ADGRB3: variants seen among roughly 807,000 people sequenced by gnomAD.
ADGRB3 encodes adhesion G protein-coupled receptor B3, also known as brain-specific angiogenesis inhibitor 3.
A neutral mutation model predicts 193.4 loss-of-function variants in ADGRB3; 37 were observed. The observed-to-expected ratio is 0.19, with a 90% CI of 0.15 to 0.25. The LOEUF is 0.25. ADGRB3 is among the 10% of genes least tolerant of loss of function. The pLI, the probability that ADGRB3 is intolerant of heterozygous loss-of-function variation, is 1.00. For missense variants in ADGRB3, 1,637 were observed against 1,852.9 expected (o/e 0.88, Z 2.14); for synonymous variants, 690 against 644.2 (o/e 1.07, Z -1.08).
chr6:68,968,321 C>G (rs3798978), intron 8 of ADGRB3, among the ~76,000 whole-genome samples: 6,893 of 152,086 alleles, frequency 0.045, 166 homozygotes, highest in Middle Eastern at 0.058. Context: ...CAGGGAGCAA[C>G]GAAGTACCTT....
intron 17 of ADGRB3, among the ~76,000 whole-genome samples, chr6:69,187,650 C>T (rs1765098637): frequency 6.6e-6 from 1 of 152,172 alleles, no homozygotes; most frequent in South Asian, 2.1e-4. Context: ...AGCTTAAAAG[C>T]AGAATGGAAA....
intron 3 of ADGRB3, among the ~76,000 whole-genome samples, chr6:68,718,006 A>G (rs1419542356): frequency 6.6e-6 from 1 of 151,800 alleles, no homozygotes; most frequent in Non-Finnish European, 1.5e-5. Flanking sequence ...TCTTGAAATC[A>G]TATTAAACAG....
chr6:69,259,760 A>G (rs908268074), intron 20 of ADGRB3, among the ~76,000 whole-genome samples: 6 of 151,716 alleles, frequency 4.0e-5, no homozygotes, highest in Non-Finnish European at 8.8e-5. Context: ...CTTATTCTCT[A>G]TTCGCAATAA....
chr6:69,331,659 CT>C, intron 23 of ADGRB3: 7 of 985,258 alleles, frequency 7.1e-6, no homozygotes, highest in Non-Finnish European at 8.4e-6. Context: ...CCTTTTTTGT[CT>C]GCTGCTTTGA....
At chr6:69,195,843 A>T (rs1765282298) in intron 17 of ADGRB3, among the ~76,000 whole-genome samples, 1 of 152,094 alleles carries the variant, frequency 6.6e-6, no homozygotes, top group Non-Finnish European at 1.5e-5. Flanking sequence ...TCCTTTTTTT[A>T]TACTACGCAA....
intron 17 of ADGRB3, among the ~76,000 whole-genome samples, chr6:69,185,843 G>T (rs1484928362): frequency 6.6e-6 from 1 of 152,086 alleles, no homozygotes; most frequent in Non-Finnish European, 1.5e-5. Context: ...CTTCGCATAA[G>T]AATCTGGTAT....
At chr6:69,340,936 A>G (rs942108348) in intron 26 of ADGRB3, among the ~76,000 whole-genome samples, 1 of 152,200 alleles carries the variant, frequency 6.6e-6, no homozygotes, top group African/African-American at 2.4e-5. Context: ...CCTGCAAATG[A>G]CATGAACTCA....
chr6:68,871,547 A>G (rs1765456146), intron 3 of ADGRB3, among the ~76,000 whole-genome samples: 1 of 152,084 alleles, frequency 6.6e-6, no homozygotes, highest in Non-Finnish European at 1.5e-5. Flanking sequence ...TCTTGTTGAT[A>G]AGCTTATTTG....
At chr6:69,230,137 G>A (rs1766101432) in intron 17 of ADGRB3, among the ~76,000 whole-genome samples, 1 of 152,128 alleles carries the variant, frequency 6.6e-6, no homozygotes, top group African/African-American at 2.4e-5. Context: ...TTAATGCCCA[G>A]ATAGGACACT....
intron 3 of ADGRB3, among the ~76,000 whole-genome samples, chr6:68,669,264 G>T (rs1446459034): frequency 6.6e-6 from 1 of 151,756 alleles, no homozygotes; most frequent in Non-Finnish European, 1.5e-5. Flanking sequence ...AATGTACAAT[G>T]AAATTATTAT....
chr6:69,019,272 T>C (rs1770190010), intron 13 of ADGRB3, among the ~76,000 whole-genome samples: 1 of 152,024 alleles, frequency 6.6e-6, no homozygotes, highest in African/African-American at 2.4e-5. Context: ...TGTCATACTT[T>C]AATACTCTTA....
intron 3 of ADGRB3, among the ~76,000 whole-genome samples, chr6:68,695,670 T>C (rs1478218372): frequency 6.6e-6 from 1 of 151,962 alleles, no homozygotes; most frequent in Non-Finnish European, 1.5e-5. Flanking sequence ...ACTTCTTAAC[T>C]ACTGTTAAGA....
At chr6:69,354,394 T>C in intron 27 of ADGRB3, 66 bp downstream of exon 27, 1 of 1,376,586 alleles carries the variant, frequency 7.3e-7, no homozygotes, top group Non-Finnish European at 1.0e-6. Flanking sequence ...AAAGAAATCC[T>C]TATGAGTAAA....
intron 6 of ADGRB3, among the ~76,000 whole-genome samples, chr6:68,953,177 C>A (rs1012986770): frequency 3.3e-5 from 5 of 152,094 alleles, no homozygotes; most frequent in Non-Finnish European, 7.4e-5. Flanking sequence ...CTTTGCTAGA[C>A]ACTCTTATTC....
At chr6:69,009,327 C>T (rs577846443) in intron 11 of ADGRB3, among the ~76,000 whole-genome samples, 1 of 152,118 alleles carries the variant, frequency 6.6e-6, no homozygotes, top group Middle Eastern at 3.4e-3. Flanking sequence ...GTGATGATCT[C>T]ATAAGGCCTT....
chr6:69,291,331 A>G (rs779000659), intron 20 of ADGRB3, among the ~76,000 whole-genome samples: 4 of 152,168 alleles, frequency 2.6e-5, no homozygotes, highest in Admixed American at 6.6e-5. Flanking sequence ...CGCATGAATT[A>G]TAACTTGTAG....
chr6:68,748,813 G>T (rs149736238), intron 3 of ADGRB3, among the ~76,000 whole-genome samples: 1 of 152,094 alleles, frequency 6.6e-6, no homozygotes, highest in Non-Finnish European at 1.5e-5. Context: ...TGAGGACCCC[G>T]CCCCTGCAAC....
At chr6:68,707,457 A>G (rs1765344125) in intron 3 of ADGRB3, among the ~76,000 whole-genome samples, 1 of 152,154 alleles carries the variant, frequency 6.6e-6, no homozygotes, top group Non-Finnish European at 1.5e-5. Context: ...AATATTCCCA[A>G]TATATGCCAT....
chr6:69,353,530 G>A (rs186586452), intron 26 of ADGRB3, among the ~76,000 whole-genome samples: 24 of 151,766 alleles, frequency 1.6e-4, no homozygotes, highest in Non-Finnish European at 2.5e-4. Flanking sequence ...CTCATTTTTC[G>A]TAATATTTAA....
Sources: allele counts gnomAD v4.1 joint callset (sites outside exome capture counted in the v4.1 genomes callset), GRCh38; gene constraint gnomAD v4.1.1; transcripts MANE v1.5; gene names NCBI Gene and HGNC (gene_info 2026-07-23, HGNC 2026-07-21).